FLT1: variants seen among roughly 807,000 people sequenced by gnomAD.
FLT1 encodes the protein fms related receptor tyrosine kinase 1, also known as vascular endothelial growth factor receptor 1.
FLT1 carries 49 observed loss-of-function variants against 156.3 expected under a neutral mutation model. The observed-to-expected ratio is 0.31, with a 90% CI of 0.25 to 0.40. The LOEUF (loss-of-function observed/expected upper bound fraction) is 0.40. Ranked by LOEUF, FLT1 falls within the 10% of genes least tolerant of loss-of-function variation. FLT1 has a pLI of 1.00. For missense variants in FLT1, 1,322 were observed against 1,637.2 expected, an observed-to-expected ratio of 0.81 and a Z score of 3.32; for synonymous variants, 594 against 583.8, an observed-to-expected ratio of 1.02 and a Z score of -0.25.
At chr13:28,413,010 G>T (rs184773013) in intron 10 of FLT1, among the ~76,000 whole-genome samples, 44 of 152,270 alleles carry the variant, frequency 2.9e-4, no homozygotes, top group African/African-American at 9.9e-4. Flanking sequence ...ACAGGGTCAG[G>T]CTGAGGAGAT....
intron 23 of FLT1, among the ~76,000 whole-genome samples, chr13:28,320,917 AAT>A (rs1363260161): frequency 6.6e-6 from 1 of 152,098 alleles, no homozygotes; most frequent in Non-Finnish European, 1.5e-5. Flanking sequence ...AAAAGTGAAA[AAT>A]AACACTATGT....
chr13:28,387,714 C>A, intron 13 of FLT1: 1 of 1,047,448 alleles, frequency 9.5e-7, no homozygotes, highest in Non-Finnish European at 1.1e-6. Context: ...TTTTTTTTTT[C>A]TCCCCCCTCC....
intron 10 of FLT1, among the ~76,000 whole-genome samples, chr13:28,422,743 C>A (rs187490675): frequency 1.3e-5 from 2 of 152,176 alleles, no homozygotes. Flanking sequence ...GTCAGCTACC[C>A]GAGGGTCTCC....
intron 11 of FLT1, among the ~76,000 whole-genome samples, 178 bp downstream of exon 11, chr13:28,405,602 G>T (rs775614347): frequency 6.6e-6 from 1 of 152,204 alleles, no homozygotes; most frequent in Non-Finnish European, 1.5e-5. Context: ...GTTGGAACTG[G>T]TAGCTTGAGT....
At chr13:28,357,058 A>G (rs1439549878) in intron 15 of FLT1, among the ~76,000 whole-genome samples, 1 of 152,198 alleles carries the variant, frequency 6.6e-6, no homozygotes, top group South Asian at 2.1e-4. Flanking sequence ...CTGATAATAT[A>G]TTACAGCCCA....
At chr13:28,323,133 T>G (rs1490953388) in intron 20 of FLT1, among the ~76,000 whole-genome samples, 187 bp from the exon 21 acceptor site, 1 of 152,028 alleles carries the variant, frequency 6.6e-6, no homozygotes, top group Non-Finnish European at 1.5e-5. Context: ...CAGAGTCTAT[T>G]GTGCTCTTGC....
intron 16 of FLT1, among the ~76,000 whole-genome samples, 184 bp downstream of exon 16, chr13:28,345,261 C>A (rs1190378269): frequency 1.3e-5 from 2 of 151,956 alleles, no homozygotes; most frequent in Non-Finnish European, 2.9e-5. Flanking sequence ...CTTTTGAACA[C>A]CCCCCCTTGT....
intron 14 of FLT1, among the ~76,000 whole-genome samples, chr13:28,382,871 T>A (rs1457021355): frequency 6.6e-6 from 1 of 152,100 alleles, no homozygotes; most frequent in Admixed American, 6.5e-5. Context: ...GAGTGTAAGG[T>A]CTCTCTAAGA....
chr13:28,494,343 T>C (rs1017690348), intron 1 of FLT1, among the ~76,000 whole-genome samples: 2 of 152,138 alleles, frequency 1.3e-5, no homozygotes, highest in African/African-American at 4.8e-5. Flanking sequence ...CTGGCAGGCT[T>C]TCAGGAGCCT....
At chr13:28,372,076 A>ATATATTTTTTTTTT (rs1257431752) in intron 14 of FLT1, among the ~76,000 whole-genome samples, 1 of 11,756 alleles carries the variant, frequency 8.5e-5, no homozygotes. Context: ...ATATATATAT[A>ATATATTTTTTTTTT]TTTTTTTTTT....
chr13:28,436,980 C>T (rs1453977059), intron 4 of FLT1, among the ~76,000 whole-genome samples: 1 of 152,166 alleles, frequency 6.6e-6, no homozygotes, highest in East Asian at 1.9e-4. Context: ...CCAGCCTCTG[C>T]TCTTAACCAC....
intron 9 of FLT1, 88 bp from the exon 10 acceptor site, chr13:28,427,406 T>C: frequency 8.5e-7 from 1 of 1,181,690 alleles, no homozygotes; most frequent in Non-Finnish European, 1.3e-6. Flanking sequence ...ACATTCTCAC[T>C]GGCTTTGATG....
chr13:28,343,389 C>T (rs548786612), intron 16 of FLT1, among the ~76,000 whole-genome samples: 21 of 151,998 alleles, frequency 1.4e-4, no homozygotes, highest in Non-Finnish European at 2.6e-4. Context: ...CAACCTCCGC[C>T]CCCGGGTCCA....
At chr13:28,473,419 T>C (rs1593834049) in intron 1 of FLT1, among the ~76,000 whole-genome samples, 1 of 151,246 alleles carries the variant, frequency 6.6e-6, no homozygotes, top group African/African-American at 2.4e-5. Flanking sequence ...CTGAGGAGGG[T>C]GGATCACCTG....
Position 28,303,023 on chromosome 13 carries a change from C to G in FLT1, c.*144G>C, listed in dbSNP as rs756319136. Reference sequence around the variant, plus strand: ...TTCTTGTTAGTCAAAAAAAAAAAAGCACTATTAAAAAAATCACAAAAAGCA... The same window carrying G: ...TTCTTGTTAGTCAAAAAAAAAAAAGGACTATTAAAAAAATCACAAAAAGCA... On this transcript the variant is annotated 3_prime_UTR_variant, in exon 30 of 30. Transcript: ENST00000282397. The G allele has an allele frequency of 2.0e-5, 13 of 655,078 alleles. No individual in the cohort carries two copies. The highest frequency in any genetic ancestry group is 3.3e-5 in the Non-Finnish European group (13 of 389,898). 40.6% of individuals were successfully genotyped at this position (655,078 alleles called of 1,614,324 possible). A position where few individuals can be genotyped will look rare whatever the true frequency, so the allele number is the denominator to read the frequency against.
intron 10 of FLT1, among the ~76,000 whole-genome samples, chr13:28,416,836 A>C (rs1204012846): frequency 6.6e-6 from 1 of 152,212 alleles, no homozygotes; most frequent in Non-Finnish European, 1.5e-5. Flanking sequence ...ATTTGTCAAT[A>C]AGGTAGCAAT....
intron 1 of FLT1, among the ~76,000 whole-genome samples, chr13:28,486,778 C>A (rs547517523): frequency 6.6e-6 from 1 of 152,242 alleles, no homozygotes; most frequent in African/African-American, 2.4e-5. Flanking sequence ...CTCTTCCTGG[C>A]AGGAATTCTC....
Position 28,434,274 on chromosome 13 carries a change from A to G in FLT1, c.514-54T>C, listed in dbSNP as rs1877895999. ...GGTCCTATTAGCACTGGTTGGCAAT[A>G]CTGTTTCACCAGCAGTTTGTGAAAA... On this transcript the variant is annotated intron_variant, in intron 4 of 29. Transcript: ENST00000282397. 7.3e-6 allele frequency: 11 copies of G among 1,510,148 alleles called. No homozygotes were observed. In the Admixed American group the frequency reaches 1.5e-4, roughly 21 times the overall value. The allele number at this position is 1,510,148 out of a possible 1,614,324, so 93.5% of individuals were successfully genotyped here.
chr13:28,331,939 A>AG lies in FLT1; in HGVS notation c.2593+2085_2593+2086insC, dbSNP rs1871949244. The stretch of plus-strand genomic sequence containing the variant: ...GAGATTCTCTGAGCCTTTTAAAAAA[A>AG]TCTCAGCTGGGTGCAGTGGCTCACG... On this transcript the variant is annotated intron_variant, in intron 18 of 29. Coordinates refer to ENST00000282397, the MANE Select transcript of FLT1 (RefSeq NM_002019.4). 3.3e-5 allele frequency among the ~76,000 whole-genome samples: 5 copies of AG among 152,298 alleles called. No homozygotes were observed. The South Asian group carries it at 1.0e-3, about 32-fold the overall frequency.
Sources: gnomAD v4.1 joint callset for allele counts (sites outside exome capture counted in the v4.1 genomes callset) on GRCh38, gnomAD v4.1.1 for gene constraint, MANE v1.5 for transcripts, NCBI Gene and HGNC (gene_info 2026-07-23, HGNC 2026-07-21) for gene names.